The following FER1L5 variants were observed in gnomAD, a reference collection of about 807,000 sequenced individuals.
FER1L5 encodes fer-1 like family member 5.
In FER1L5, 187 loss-of-function variants were observed where a neutral mutation model predicts 279.9. That is an observed-to-expected ratio of 0.67 (90% CI 0.59 to 0.75). FER1L5 has a LOEUF of 0.75. Among genes scored for constraint, FER1L5 ranks in the 30% least tolerant of loss-of-function variants. The pLI is 0.00. For missense variants in FER1L5, 2,091 were observed against 2,594.4 expected, an observed-to-expected ratio of 0.81 and a Z score of 4.21; for synonymous variants, 921 against 989.7, an observed-to-expected ratio of 0.93 and a Z score of 1.30.
At chr2:96,684,032 G>A (rs753484291) in intron 19 of FER1L5, among the ~76,000 whole-genome samples, 6 of 152,170 alleles carry the variant, frequency 3.9e-5, no homozygotes, top group South Asian at 2.1e-4. Flanking sequence ...CGTTATGACC[G>A]CCTGGCTATG....
At chr2:96,666,172 G>A (rs1234707721) in intron 14 of FER1L5, among the ~76,000 whole-genome samples, 1 of 150,192 alleles carries the variant, frequency 6.7e-6, no homozygotes, top group Non-Finnish European at 1.5e-5. Flanking sequence ...CAGAGCCCAG[G>A]GCACTGCAGA....
rs376302857 is a variant in FER1L5 at position 96,699,739 on chromosome 2, G to T, written c.4781+19G>T. On this transcript the variant is annotated intron_variant, in intron 43 of 52. Coordinates refer to ENST00000624922, the MANE Select transcript of FER1L5 (RefSeq NM_001293083.2). Reference sequence around the variant, plus strand: ...ACTGCCAGTGAGAGTGGGCCCGTCTGGGGGAAGGGAGTCAGGTGGGGTGGA... The same window carrying T: ...ACTGCCAGTGAGAGTGGGCCCGTCTTGGGGAAGGGAGTCAGGTGGGGTGGA... 1.5e-4 allele frequency: 245 copies of T among 1,612,730 alleles called. No homozygotes were observed. Among genetic ancestry groups the T allele is most frequent in the Admixed American group, 2.8e-4 (17 of 59,956 alleles).
Position 96,647,162 on chromosome 2 carries a change from CAG to C in FER1L5, c.230+14_230+15del. 1 of 1,551,480 alleles carries C rather than the reference CAG, an allele frequency of 6.4e-7. No homozygotes were observed. Among genetic ancestry groups the C allele is most frequent in the South Asian group, 1.2e-5 (1 of 84,050 alleles). Reference sequence around the variant, plus strand: ...GCTCACAAAAGAAAGAAAGGTGAGGCAGAGAGAGGCAGGAGGAGCCTAGCTCC... The same window carrying C: ...GCTCACAAAAGAAAGAAAGGTGAGGCAGAGAGGCAGGAGGAGCCTAGCTCC... On this transcript the variant is annotated splice_region_variant and intron_variant, in intron 3 of 52. Coordinates refer to ENST00000624922, the MANE Select transcript of FER1L5 (RefSeq NM_001293083.2).
chr2:96,684,853 G>A (rs1272870776), intron 20 of FER1L5, among the ~76,000 whole-genome samples: 3 of 152,154 alleles, frequency 2.0e-5, no homozygotes, highest in Non-Finnish European at 4.4e-5. Context: ...TGGGGGCTGG[G>A]TGGGGGTAGA....
In FER1L5 at chr2:96,696,036, C is replaced by T. The variant is rs200374054; in HGVS notation, c.4058-16C>T. ...CTCCCCATCCTGAGACTCGTCCCTG[C>T]GCTCTCCCCGCACAGCGCTGTCTGA... On this transcript the variant is annotated splice_polypyrimidine_tract_variant and intron_variant, in intron 36 of 52. Transcript: ENST00000624922. 49 of 1,613,714 alleles carry T rather than the reference C, an allele frequency of 3.0e-5. No homozygotes were observed. Among genetic ancestry groups the T allele is most frequent in the East Asian group, 4.5e-5 (2 of 44,890 alleles).
At position 96,703,026 on chromosome 2, in the gene FER1L5, C is replaced by T. The variant is rs1398431523; in HGVS notation, c.5446C>T (p.Leu1816Phe). 1.2e-6 allele frequency: 2 copies of T among 1,613,568 alleles called. No homozygotes were observed. The highest frequency in any genetic ancestry group is 8.5e-7 in the Non-Finnish European group (1 of 1,179,738). ...CACGTCCATGAAGTTCCCAGCCCGA[C>T]TTATCATCCAGGTCTGGGACAATGA... ...DATSMKFPAR[L>F]IIQVWDNDIF... Residue 1816 changes from leucine (L) to phenylalanine (F), a missense_variant, in exon 49 of 53, where the codon CTT (leucine) becomes TTT (phenylalanine). Coordinates refer to ENST00000624922, the MANE Select transcript of FER1L5 (RefSeq NM_001293083.2).
intron 2 of FER1L5, 63 bp downstream of exon 2, chr2:96,646,516 G>A (rs773795581): frequency 6.6e-7 from 1 of 1,523,888 alleles, no homozygotes; most frequent in Non-Finnish European, 8.9e-7. Context: ...GGCAAGGGTG[G>A]GGTCCAGGAA....
intron 14 of FER1L5, 115 bp downstream of exon 14, chr2:96,663,622 G>C: frequency 4.3e-6 from 5 of 1,155,430 alleles, no homozygotes; most frequent in Non-Finnish European, 6.3e-6. Flanking sequence ...CATGGCAAGG[G>C]GGACTCTGCC....
intron 31 of FER1L5, among the ~76,000 whole-genome samples, chr2:96,692,943 C>A (rs2077209871): frequency 6.6e-6 from 1 of 152,054 alleles, no homozygotes; most frequent in South Asian, 2.1e-4. Flanking sequence ...TTTGGGAGGC[C>A]AAGGTGGGCC....
Position 96,691,603 on chromosome 2 carries a change from G to A in FER1L5, c.3066G>A (p.Glu1022=). The A allele has an allele frequency of 2.0e-6, 3 of 1,527,130 alleles. No homozygotes were observed. Among genetic ancestry groups the A allele is most frequent in the Non-Finnish European group, 2.6e-6 (3 of 1,134,920 alleles). 94.6% of individuals were successfully genotyped at this position (1,527,130 alleles called of 1,614,324 possible). ...DKGIAPIFLL[E]GSLAMDLKYH... is the part of the protein sequence containing the mutation. ...GCATCGCGCCCATATTCCTCCTGGA[G>A]GGGTCCTTGGTAAAGCCTCACAGGC... The change falls in exon 29 of 53, where the codon GAG becomes GAA. Residue 1022 remains glutamate (E), a synonymous_variant. Coordinates refer to ENST00000624922, the MANE Select transcript of FER1L5 (RefSeq NM_001293083.2). The surrounding 1 kb of genome is among the most constrained non-coding windows in gnomAD (Gnocchi z 6.0).
Position 96,704,372 on chromosome 2 carries a change from A to G in FER1L5, c.5949+10A>G. On this transcript the variant is annotated intron_variant, in intron 52 of 52. Coordinates refer to ENST00000624922, the MANE Select transcript of FER1L5 (RefSeq NM_001293083.2). ...CATCTATTCAGCTCCGGTGAGTGGC[A>G]GCCATGGGGGCAAGGACAAAGGTGG... 1 of 1,613,750 alleles carries G rather than the reference A, an allele frequency of 6.2e-7. No homozygotes were observed. Among genetic ancestry groups the G allele is most frequent in the East Asian group, 2.2e-5 (1 of 44,886 alleles).
chr2:96,699,923 C>A lies in FER1L5; in HGVS notation c.4782-9C>A, dbSNP rs1204781129. The A allele has an allele frequency of 1.2e-6, 2 of 1,612,950 alleles. No individual in the cohort carries two copies. The highest frequency in any genetic ancestry group is 4.5e-5 in the East Asian group (2 of 44,884). On this transcript the variant is annotated splice_polypyrimidine_tract_variant and intron_variant, in intron 43 of 52. Transcript: ENST00000624922. The stretch of plus-strand genomic sequence containing the variant: ...ACCTCCAGACCTCTTCCTCTCACAT[C>A]CCCCACAGGTCAGGGCCCTTTAGAT...
Position 96,702,554 on chromosome 2 carries a change from TG to T in FER1L5, c.5256-42del, listed in dbSNP as rs2077625172. 1 of 1,552,694 alleles carries T rather than the reference TG, an allele frequency of 6.4e-7. No individual in the cohort carries two copies. The highest frequency in any genetic ancestry group is 2.0e-5 in the Admixed American group (1 of 51,088). ...TTCCCATGGGGCTCCAGCTGGGGGA[TG>T]GGGCCAATGCACATGAGCCACAGGT... On this transcript the variant is annotated intron_variant, in intron 47 of 52. Transcript: ENST00000624922. The surrounding 1 kb of genome is among the most constrained non-coding windows in gnomAD (Gnocchi z 4.0).
In FER1L5 at chr2:96,689,459, C is replaced by A; in HGVS notation, c.2525+83C>A. 1 of 1,526,056 alleles carries A rather than the reference C, an allele frequency of 6.6e-7. No homozygotes were observed. The highest frequency in any genetic ancestry group is 8.8e-7 in the Non-Finnish European group (1 of 1,134,522). 94.5% of individuals were successfully genotyped at this position (1,526,056 alleles called of 1,614,324 possible). On this transcript the variant is annotated intron_variant, in intron 25 of 52. Coordinates refer to ENST00000624922, the MANE Select transcript of FER1L5 (RefSeq NM_001293083.2). The surrounding 1 kb of genome is among the most constrained non-coding windows in gnomAD (Gnocchi z 4.6). The stretch of plus-strand genomic sequence containing the variant: ...CCGCGGCAGCCCAGAAAGATGGGTA[C>A]CTAGCCCCTAAGCCTGGTGCCAGAG...
chr2:96,657,773 A>G (rs1423509992), intron 9 of FER1L5, among the ~76,000 whole-genome samples: 3 of 152,270 alleles, frequency 2.0e-5, no homozygotes, highest in South Asian at 2.1e-4. Context: ...ATGTTGTTGC[A>G]CTTGTCAGCA....
intron 23 of FER1L5, among the ~76,000 whole-genome samples, chr2:96,686,880 CAG>C (rs1213080296): frequency 8.2e-6 from 1 of 121,444 alleles, no homozygotes; most frequent in African/African-American, 3.3e-5. Context: ...AAAAAAAAAA[CAG>C]AAAACAAATC....
intron 10 of FER1L5, 144 bp from the exon 11 acceptor site, chr2:96,661,180 AC>A (rs1232362609): frequency 1.7e-6 from 1 of 591,084 alleles, no homozygotes; most frequent in Non-Finnish European, 3.0e-6. Context: ...GGTACGAGTG[AC>A]TCCCCTTTTC....
At chr2:96,659,289 C>T (rs1206968373) in intron 9 of FER1L5, among the ~76,000 whole-genome samples, 1 of 124,480 alleles carries the variant, frequency 8.0e-6, no homozygotes, top group Non-Finnish European at 1.5e-5. Context: ...ATTTATCAAG[C>T]TTTCCTTCCT....
chr2:96,695,724 G>C lies in FER1L5; in HGVS notation c.3895-18G>C. 6.2e-7 allele frequency: 1 copy of C among 1,610,650 alleles called. No homozygotes were observed. The highest frequency in any genetic ancestry group is 8.5e-7 in the Non-Finnish European group (1 of 1,178,382). On this transcript the variant is annotated intron_variant, in intron 35 of 52. Coordinates refer to ENST00000624922, the MANE Select transcript of FER1L5 (RefSeq NM_001293083.2). ...CTTCTGTGGGTCTCACGCTCCCCAC[G>C]TCTCCTCGGGATTGCAGCTCATGCC...
Sources: gnomAD v4.1 joint callset for allele counts (sites outside exome capture counted in the v4.1 genomes callset) on GRCh38, gnomAD v4.1.1 for gene constraint, Gnocchi (gnomAD v3.1) non-coding constraint, MANE v1.5 for transcripts, NCBI Gene and HGNC (gene_info 2026-07-23, HGNC 2026-07-21) for gene names.